The following USP42 variants were observed in gnomAD, a reference collection of about 807,000 sequenced individuals.
USP42 encodes ubiquitin carboxyl-terminal hydrolase 42.
Under a neutral mutation model 113.0 loss-of-function variants are expected in USP42, and 23 were observed. The observed-to-expected ratio is 0.20, with a 90% CI of 0.15 to 0.29. USP42 has a LOEUF of 0.29. Among genes scored for constraint, USP42 ranks in the 10% least tolerant of loss-of-function variants. USP42 has a pLI of 1.00. For missense variants in USP42, 2,174 were observed against 1,779.8 expected, an observed-to-expected ratio of 1.22 and a Z score of -3.99; for synonymous variants, 933 against 699.0, an observed-to-expected ratio of 1.33 and a Z score of -5.28.
chr7:6,130,501 A>T (rs567387913), intron 3 of USP42, among the ~76,000 whole-genome samples: 1 of 152,108 alleles, frequency 6.6e-6, no homozygotes, highest in South Asian at 2.1e-4. Flanking sequence ...GTGGGTGGAA[A>T]TCTGGGCTCC....
chr7:6,156,943 TCCTCTCTCTGGTGGCCCG>T lies in USP42; in HGVS notation c.3837_3854del (p.Ser1280_Leu1285del). 1.2e-6 allele frequency: 2 copies of T among 1,613,876 alleles called. No homozygotes were observed. The highest frequency in any genetic ancestry group is 1.7e-6 in the Non-Finnish European group (2 of 1,179,836). ...AGTTCCGGAGAGCCCAGGGTGGCTT[TCCTCTCTCTGGTGGCCCG>T]CCTCTGGAAGGCGTCGGACCTTTCC... On this transcript the variant is annotated inframe_deletion, in exon 16 of 18. Transcript: ENST00000306177.
At chr7:6,142,407 G>A (rs978550781) in intron 7 of USP42, among the ~76,000 whole-genome samples, 12 of 151,848 alleles carry the variant, frequency 7.9e-5, no homozygotes, top group Non-Finnish European at 1.5e-4. Flanking sequence ...TAGTAGAGAC[G>A]GGGTTTTACC....
intron 3 of USP42, among the ~76,000 whole-genome samples, chr7:6,133,902 T>C (rs1048086066): frequency 6.6e-6 from 1 of 150,692 alleles, no homozygotes; most frequent in African/African-American, 2.4e-5. Flanking sequence ...TTTTTTTTTT[T>C]TTTTTTGAGA....
chr7:6,103,368 C>T (rs1278606239), upstream of USP42, among the ~76,000 whole-genome samples: 1 of 150,612 alleles, frequency 6.6e-6, no homozygotes, highest in Admixed American at 6.6e-5. Context: ...GAAACTCTGT[C>T]TCTACAAAAT....
At chr7:6,128,027 T>G (rs1398216869) in intron 3 of USP42, 1 of 152,134 alleles carries the variant, frequency 6.6e-6, no homozygotes, top group Non-Finnish European at 1.5e-5. Context: ...AAATCCTACA[T>G]CATCAAAATT....
the USP42 span, among the ~76,000 whole-genome samples, chr7:6,082,715 A>G: frequency 4.2e-5 from 6 of 142,176 alleles, no homozygotes; most frequent in Non-Finnish European, 6.0e-5. Flanking sequence ...GGTTCAAGCA[A>G]TTCTCCTATC....
intron 3 of USP42, among the ~76,000 whole-genome samples, chr7:6,123,043 C>A (rs1359083612): frequency 6.6e-6 from 1 of 151,104 alleles, no homozygotes; most frequent in Admixed American, 6.6e-5. Context: ...CTAGGCTGGT[C>A]TCAAACTCCT....
At chr7:6,116,721 CTCACCACCTACCTAG>C in intron 3 of USP42, 1 of 507,368 alleles carries the variant, frequency 2.0e-6, no homozygotes, top group Non-Finnish European at 3.9e-6. Context: ...CACCTAGAAT[CTCACCACCTACCTAG>C]GGGTGTTTGT....
At chr7:6,143,054 C>T (rs1380207331) in intron 8 of USP42, 40 bp downstream of exon 8, 4 of 1,605,104 alleles carry the variant, frequency 2.5e-6, no homozygotes, top group Admixed American at 3.3e-5. Flanking sequence ...GCCGGCTTCT[C>T]CAGTGGGGAT....
Position 6,150,202 on chromosome 7 carries a change from C to G in USP42, c.2006C>G (p.Pro669Arg), listed in dbSNP as rs761880903. Residue 669 changes from proline to arginine, a missense_variant, in exon 13 of 18, where the codon CCG becomes CGG. By Grantham distance (103) the Pro-to-Arg change is moderately radical (BLOSUM62 -2). Coordinates refer to ENST00000306177, the MANE Select transcript of USP42 (RefSeq NM_032172.3). ...AATAGTGCAGACAGCGACAGTGACC[C>G]GAAAGAAAACGGCCTAGCGCCTGAT... ...GANSADSDSD[P>R]KENGLAPDGA... 2 of 1,613,896 alleles carry G rather than the reference C, an allele frequency of 1.2e-6. No individual in the cohort carries two copies. Among genetic ancestry groups the G allele is most frequent in the Admixed American group, 1.7e-5 (1 of 60,024 alleles).
At chr7:6,113,028 C>T (rs542084483) in intron 2 of USP42, among the ~76,000 whole-genome samples, 3 of 151,550 alleles carry the variant, frequency 2.0e-5, no homozygotes, top group African/African-American at 4.8e-5. Context: ...CTCAGCCTCC[C>T]GAGTAGCTGG....
At chr7:6,083,204 C>T in the USP42 span, among the ~76,000 whole-genome samples, 3 of 148,382 alleles carry the variant, frequency 2.0e-5, no homozygotes, top group Admixed American at 6.7e-5. Context: ...GGGTTACAGG[C>T]GTGAGCCACC....
chr7:6,107,117 G>A (rs953783001), intron 1 of USP42, among the ~76,000 whole-genome samples: 5 of 152,180 alleles, frequency 3.3e-5, no homozygotes, highest in African/African-American at 1.2e-4. Flanking sequence ...AAATGAAGGC[G>A]AATGGATAGC....
At chr7:6,085,215 G>T in the USP42 span, 3 of 150,966 alleles carry the variant, frequency 2.0e-5, no homozygotes, top group East Asian at 5.8e-4. Context: ...TGCCTCCCGG[G>T]TTCAAGTGAT....
intron 11 of USP42, among the ~76,000 whole-genome samples, chr7:6,147,264 A>G (rs1449241337): frequency 1.3e-5 from 2 of 152,172 alleles, no homozygotes; most frequent in Non-Finnish European, 2.9e-5. Flanking sequence ...TTAGAAAAAT[A>G]TAAGCCTGGG....
In USP42 at chr7:6,120,841, C is replaced by T. The variant is rs561316407; in HGVS notation, c.442+5318C>T. Among the ~76,000 whole-genome samples the T allele has an allele frequency of 3.3e-5, 5 of 152,280 alleles. No homozygotes were observed. In the East Asian group the frequency reaches 9.7e-4, roughly 29 times the overall value. ...TCAAATGATCCACCTGCCTCGGCCT[C>T]CCAAAGTGCTGGGATTACAGGGGTG... On this transcript the variant is annotated intron_variant, in intron 3 of 17. Transcript: ENST00000306177.
intron 14 of USP42, among the ~76,000 whole-genome samples, chr7:6,153,443 G>A (rs1782190306): frequency 6.6e-6 from 1 of 152,118 alleles, no homozygotes; most frequent in African/African-American, 2.4e-5. Context: ...TTTAATAAGG[G>A]AAAGAGAAAA....
Position 6,155,182 on chromosome 7 carries a change from G to T in USP42, c.3628G>T (p.Asp1210Tyr). ...KKKKSKDKHRDRDSRHQQDSD... is the reference protein window; with the variant it reads ...KKKKSKDKHRYRDSRHQQDSD... Reference sequence around the variant, plus strand: ...AAAGAAATCCAAAGACAAACACCGAGACCGCGACTCCAGGTGAGCCTGGGG... The same window carrying T: ...AAAGAAATCCAAAGACAAACACCGATACCGCGACTCCAGGTGAGCCTGGGG... Residue 1210 changes from aspartate (D) to tyrosine (Y), a missense_variant, in exon 15 of 18, where the codon GAC becomes TAC. Transcript: ENST00000306177. 2 of 1,533,182 alleles carry T rather than the reference G, an allele frequency of 1.3e-6. No individual in the cohort carries two copies. Among genetic ancestry groups the T allele is most frequent in the Non-Finnish European group, 1.7e-6 (2 of 1,144,798 alleles). 95.0% of individuals were successfully genotyped at this position (1,533,182 alleles called of 1,614,324 possible).
At position 6,156,735 on chromosome 7, in the gene USP42, C is replaced by T; in HGVS notation, c.3642-19C>T. On this transcript the variant is annotated intron_variant, in intron 15 of 17. Transcript: ENST00000306177. ...GTTTTGTGTTTTAGGGTTTTGAATTCTGGCTTTTCCTTCTGCAGGCATCAG... is the reference window on the plus strand; with the variant it reads ...GTTTTGTGTTTTAGGGTTTTGAATTTTGGCTTTTCCTTCTGCAGGCATCAG... 1 of 1,519,410 alleles carries T rather than the reference C, an allele frequency of 6.6e-7. No individual in the cohort carries two copies. The highest frequency in any genetic ancestry group is 8.8e-7 in the Non-Finnish European group (1 of 1,138,390). 94.1% of individuals were successfully genotyped at this position (1,519,410 alleles called of 1,614,324 possible).
Sources: gnomAD v4.1 joint callset for allele counts (sites outside exome capture counted in the v4.1 genomes callset) on GRCh38, gnomAD v4.1.1 for gene constraint, MANE v1.5 for transcripts, NCBI Gene and HGNC (gene_info 2026-07-23, HGNC 2026-07-21) for gene names.